BORCS5: variants seen among roughly 807,000 people sequenced by gnomAD.
The protein encoded by BORCS5 is BLOC-1 related complex subunit 5, also known as BLOC-1-related complex subunit 5.
BORCS5 carries 17 observed loss-of-function variants against 22.1 expected under a neutral mutation model. The ratio of observed to expected loss-of-function variants is 0.77; its 90% CI spans 0.53 to 1.15. The LOEUF (loss-of-function observed/expected upper bound fraction) is 1.15, where lower values mean the gene tolerates loss of function less well. Among genes scored for constraint, BORCS5 ranks in the 50% most tolerant of loss-of-function variants. The probability of loss-of-function intolerance (pLI) is 0.00; values close to 1 mark genes in which losing one functional copy is unlikely to be tolerated. For synonymous variants in BORCS5, 117 were observed against 99.8 expected (o/e 1.17, Z -1.03); for missense variants, 247 against 253.2 (o/e 0.98, Z 0.17).
intron 3 of BORCS5, among the ~76,000 whole-genome samples, chr12:12,464,513 C>A (rs1296984829): frequency 6.6e-6 from 1 of 152,038 alleles, no homozygotes; most frequent in African/African-American, 2.4e-5. Flanking sequence ...CAGGAATAAA[C>A]CAGAAGGAAG....
chr12:12,441,720 ATTTT>A (rs5796491), intron 3 of BORCS5, among the ~76,000 whole-genome samples: 12 of 147,718 alleles, frequency 8.1e-5, no homozygotes, highest in Non-Finnish European at 1.5e-4. Flanking sequence ...CAAAAAAAAA[ATTTT>A]TTTTTTTTTA....
intron 2 of BORCS5, among the ~76,000 whole-genome samples, chr12:12,381,706 T>G (rs1863778489): frequency 6.6e-6 from 1 of 151,488 alleles, no homozygotes; most frequent in African/African-American, 2.4e-5. Context: ...TTGACTTAAT[T>G]TTTGTGAAAG....
At chr12:12,369,327 G>A (rs1316551257) in intron 2 of BORCS5, among the ~76,000 whole-genome samples, 3 of 151,908 alleles carry the variant, frequency 2.0e-5, no homozygotes, top group South Asian at 4.2e-4. Context: ...TATTTAAAGG[G>A]CATCTCTTGT....
chr12:12,403,710 A>G (rs1210560191), intron 2 of BORCS5, among the ~76,000 whole-genome samples: 1 of 152,116 alleles, frequency 6.6e-6, no homozygotes, highest in Non-Finnish European at 1.5e-5. Flanking sequence ...GTGGAAACCC[A>G]TTCCCTCCCT....
intron 2 of BORCS5, among the ~76,000 whole-genome samples, chr12:12,374,191 CTG>C (rs1863594693): frequency 1.3e-5 from 2 of 151,570 alleles, no homozygotes. Context: ...TGGGGTTTCA[CTG>C]TGTTAGCCAG....
Position 12,439,406 on chromosome 12 carries a change from T to C in BORCS5, c.360+3621T>C, listed in dbSNP as rs746757377. On this transcript the variant is annotated intron_variant, in intron 3 of 3. Coordinates refer to ENST00000314565, the MANE Select transcript of BORCS5 (RefSeq NM_058169.6). ...ACTTTCGGAGGCCAAGGCAGGTGGA[T>C]TGTTTGAGCCCAGGAGTTCAAGACC... Among the ~76,000 whole-genome samples, 8 of 152,102 alleles carry C rather than the reference T, an allele frequency of 5.3e-5. No individual in the cohort carries two copies. In the South Asian group the frequency reaches 6.2e-4, roughly 12 times the overall value.
intron 2 of BORCS5, among the ~76,000 whole-genome samples, chr12:12,421,704 TATTA>T (rs763851772): frequency 4.7e-4 from 71 of 152,224 alleles, no homozygotes; most frequent in Non-Finnish European, 8.5e-4. Flanking sequence ...GTTGGTAGGC[TATTA>T]ATTATTGCCT....
intron 2 of BORCS5, among the ~76,000 whole-genome samples, chr12:12,386,104 G>A (rs574728038): frequency 1.3e-5 from 2 of 150,082 alleles, no homozygotes; most frequent in South Asian, 4.3e-4. Context: ...GAGTTCAAGC[G>A]ATTCTCGTAC....
rs184190738 is a variant in BORCS5 at position 12,400,821 on chromosome 12, G to A, written c.203-34807G>A. On this transcript the variant is annotated intron_variant, in intron 2 of 3. Coordinates refer to ENST00000314565, the MANE Select transcript of BORCS5 (RefSeq NM_058169.6). Reference sequence around the variant, plus strand: ...TTCATCATGCCCATGTGTTTTCTTCGTGGCTTGTCTTTTTCCTACATGTTT... The same window carrying A: ...TTCATCATGCCCATGTGTTTTCTTCATGGCTTGTCTTTTTCCTACATGTTT... 1.9e-3 allele frequency among the ~76,000 whole-genome samples: 292 copies of A among 152,136 alleles called. 1 individual carries two copies. Among genetic ancestry groups the A allele is most frequent in the African/African-American group, 6.6e-3 (275 of 41,480 alleles).
At chr12:12,360,360 CAAAAT>C (rs905576220) in intron 1 of BORCS5, among the ~76,000 whole-genome samples, 8 of 152,184 alleles carry the variant, frequency 5.3e-5, no homozygotes, top group East Asian at 3.9e-4. Flanking sequence ...GGCTCTGCCT[CAAAAT>C]AAAATAAAAT....
In BORCS5 at chr12:12,455,491, C is replaced by T. The variant is rs540070482; in HGVS notation, c.361-10055C>T. Among the ~76,000 whole-genome samples the T allele has an allele frequency of 5.5e-4, 83 of 152,178 alleles. 1 individual carries two copies. The highest frequency in any genetic ancestry group is 1.9e-3 in the African/African-American group (78 of 41,526). ...GAAAGATGAGTGACTTTTTAAATGC[C>T]GTCTTGAGCTGGGCACAGTGGCTTA... On this transcript the variant is annotated intron_variant, in intron 3 of 3. Transcript: ENST00000314565.
At position 12,357,525 on chromosome 12, in the gene BORCS5, T is replaced by TC; in HGVS notation, c.58+19dup. On this transcript the variant is annotated intron_variant, in intron 1 of 3. Coordinates refer to ENST00000314565, the MANE Select transcript of BORCS5 (RefSeq NM_058169.6). The stretch of plus-strand genomic sequence containing the variant: ...AACTCCTCAGGTCGGTGTCCTAACC[T>TC]CCCACCCTCCTCCAGCCCGCCCTGT... The TC allele has an allele frequency of 6.3e-7, 1 of 1,598,056 alleles. No individual in the cohort carries two copies. The highest frequency in any genetic ancestry group is 8.6e-7 in the Non-Finnish European group (1 of 1,168,142).
At chr12:12,419,218 C>T (rs112563750) in intron 2 of BORCS5, among the ~76,000 whole-genome samples, 30 of 152,222 alleles carry the variant, frequency 2.0e-4, no homozygotes, top group Middle Eastern at 3.4e-3. Flanking sequence ...TGACAGGCCC[C>T]GGTGTATGAT....
chr12:12,426,636 A>T (rs1222506355), intron 2 of BORCS5, among the ~76,000 whole-genome samples: 5 of 152,222 alleles, frequency 3.3e-5, no homozygotes, highest in Non-Finnish European at 7.3e-5. Flanking sequence ...CTTCTCTGAG[A>T]CTTAAGAAAT....
chr12:12,404,692 TTTTGG>T (rs1258843288), intron 2 of BORCS5, among the ~76,000 whole-genome samples: 1 of 152,120 alleles, frequency 6.6e-6, no homozygotes, highest in Non-Finnish European at 1.5e-5. Context: ...TACTTTTTTG[TTTTGG>T]TTTGGTTTTT....
intron 2 of BORCS5, among the ~76,000 whole-genome samples, chr12:12,390,974 T>C (rs926276964): frequency 2.0e-5 from 3 of 151,982 alleles, no homozygotes; most frequent in African/African-American, 7.3e-5. Context: ...TAGAAAAAAG[T>C]ACACGTTAAA....
intron 2 of BORCS5, among the ~76,000 whole-genome samples, chr12:12,432,908 G>A (rs1363003150): frequency 2.6e-5 from 4 of 152,152 alleles, no homozygotes; most frequent in Non-Finnish European, 5.9e-5. Flanking sequence ...AGTGGGGTAG[G>A]TATAGTTACA....
intron 2 of BORCS5, among the ~76,000 whole-genome samples, chr12:12,421,224 A>G (rs1565895519): frequency 6.6e-6 from 1 of 152,148 alleles, no homozygotes; most frequent in Non-Finnish European, 1.5e-5. Context: ...GATACGTTCC[A>G]TCAATACCCA....
intron 1 of BORCS5, among the ~76,000 whole-genome samples, chr12:12,358,557 G>A (rs1863201266): frequency 6.6e-6 from 1 of 152,148 alleles, no homozygotes; most frequent in African/African-American, 2.4e-5. Context: ...TCTATGGCAG[G>A]GCAGAAACAT....
Sources: gnomAD v4.1 joint callset for allele counts (sites outside exome capture counted in the v4.1 genomes callset) on GRCh38, gnomAD v4.1.1 for gene constraint, MANE v1.5 for transcripts, NCBI Gene and HGNC (gene_info 2026-07-23, HGNC 2026-07-21) for gene names.